Variants in MXI1 observed in about 807,000 individuals in gnomAD.
MXI1 encodes the protein MAX interactor 1, dimerization protein, also known as max-interacting protein 1.
In MXI1, 18 loss-of-function variants were observed where a neutral mutation model predicts 36.9. The observed-to-expected ratio is 0.49, with a 90% CI of 0.34 to 0.72. The LOEUF (loss-of-function observed/expected upper bound fraction) is 0.72, where lower values mean the gene tolerates loss of function less well. Ranked by LOEUF, MXI1 falls within the 30% of genes least tolerant of loss-of-function variation. The pLI, the probability that MXI1 is intolerant of heterozygous loss-of-function variation, is 0.01. For synonymous variants in MXI1, 160 were observed against 146.7 expected (o/e 1.09, Z -0.65); for missense variants, 304 against 379.1 (o/e 0.80, Z 1.64).
At chr10:110,256,126 C>G (rs1856283460) in intron 3 of MXI1, among the ~76,000 whole-genome samples, 1 of 152,076 alleles carries the variant, frequency 6.6e-6, no homozygotes, top group Non-Finnish European at 1.5e-5. Flanking sequence ...AGGTTGGATC[C>G]CTACCTCACA....
At chr10:110,226,106 C>A in intron 1 of MXI1, 1 of 1,179,246 alleles carries the variant, frequency 8.5e-7, no homozygotes, top group Non-Finnish European at 1.1e-6. Flanking sequence ...CCCGCCCGCC[C>A]GTCGCACATG....
intron 3 of MXI1, among the ~76,000 whole-genome samples, chr10:110,266,124 T>C (rs1221497591): frequency 6.6e-6 from 1 of 151,952 alleles, no homozygotes; most frequent in Non-Finnish European, 1.5e-5. Context: ...CTTTTTTTTT[T>C]TGAGACAGAG....
intron 1 of MXI1, among the ~76,000 whole-genome samples, chr10:110,220,610 G>A (rs1854779209): frequency 6.6e-6 from 1 of 152,200 alleles, no homozygotes. Context: ...CCAGCTCCTG[G>A]CAGGGGAGGG....
At chr10:110,282,832 A>C (rs1026528752) in intron 5 of MXI1, among the ~76,000 whole-genome samples, 37 of 152,100 alleles carry the variant, frequency 2.4e-4, no homozygotes, top group Admixed American at 2.4e-3. Flanking sequence ...GTTTTTAAAA[A>C]ATTTTTTTAA....
intron 1 of MXI1, chr10:110,227,613 A>C: frequency 1.1e-6 from 1 of 925,366 alleles, no homozygotes; most frequent in Non-Finnish European, 1.3e-6. Flanking sequence ...AGGCCGGGAG[A>C]ACACTGAGCG....
intron 2 of MXI1, among the ~76,000 whole-genome samples, chr10:110,237,719 C>G (rs761484446): frequency 6.6e-6 from 1 of 152,170 alleles, no homozygotes; most frequent in African/African-American, 2.4e-5. Flanking sequence ...TCAGAGGTTC[C>G]TACAGCCCCT....
rs1856907382 is a variant in MXI1, at chr10:110,273,062, T to TG, written c.438-6118_438-6117insG. On this transcript the variant is annotated intron_variant, in intron 3 of 5. Coordinates refer to ENST00000332674, the MANE Select transcript of MXI1 (RefSeq NM_130439.3). ...TTAGCTTTTTTTTTTTTTTTTTTTT[T>TG]TGTGAGATGGAGTCTCGCTCTGTCA... Among the ~76,000 whole-genome samples, 25 of 146,524 alleles carry TG rather than the reference T, an allele frequency of 1.7e-4. No individual in the cohort carries two copies. In the South Asian group the frequency reaches 6.0e-3, roughly 35 times the overall value.
intron 2 of MXI1, among the ~76,000 whole-genome samples, chr10:110,235,964 G>GCTA (rs534863342): frequency 2.7e-5 from 4 of 150,872 alleles, no homozygotes; most frequent in African/African-American, 4.9e-5. Context: ...TTGAGATCAT[G>GCTA]CTACTGCACT....
At chr10:110,222,197 A>G (rs1854831583) in intron 1 of MXI1, among the ~76,000 whole-genome samples, 1 of 152,188 alleles carries the variant, frequency 6.6e-6, no homozygotes, top group Admixed American at 6.5e-5. Flanking sequence ...TTCTCATTTA[A>G]GAGCTTAGAG....
chr10:110,245,314 C>G (rs1662139190), intron 3 of MXI1, among the ~76,000 whole-genome samples: 1 of 152,038 alleles, frequency 6.6e-6, no homozygotes, highest in Non-Finnish European at 1.5e-5. Context: ...GCCAGGCAGG[C>G]AGAATGCTTT....
chr10:110,216,411 T>C (rs1854636304), intron 1 of MXI1, among the ~76,000 whole-genome samples: 1 of 152,176 alleles, frequency 6.6e-6, no homozygotes, highest in African/African-American at 2.4e-5. Flanking sequence ...GGTAGAGTCC[T>C]TGCCCTCATG....
At chr10:110,273,348 T>C (rs1232110719) in intron 3 of MXI1, among the ~76,000 whole-genome samples, 2 of 152,132 alleles carry the variant, frequency 1.3e-5, no homozygotes, top group Non-Finnish European at 2.9e-5. Context: ...TGCCTGGCCT[T>C]TGTTTAGCTT....
chr10:110,232,695 A>C (rs1341714975), intron 2 of MXI1, among the ~76,000 whole-genome samples: 4 of 152,230 alleles, frequency 2.6e-5, no homozygotes, highest in Non-Finnish European at 4.4e-5. Flanking sequence ...AACTCCAAGC[A>C]GACTGTCTTA....
rs1340823536 is a variant in MXI1 at position 110,226,364 on chromosome 10, CG to C, written c.275-1824del. On this transcript the variant is annotated intron_variant, in intron 1 of 5. Transcript: ENST00000332674. ...GCGGTGCGGCCGGTAAGGGAGGGCA[CG>C]CGTGTGAGGTGCGCGCATGAGGTGA... The C allele has an allele frequency of 3.1e-5, 40 of 1,297,800 alleles. No homozygotes were observed. In the African/African-American group the frequency reaches 6.0e-4, roughly 20 times the overall value. The allele number at this position is 1,297,800 out of a possible 1,614,324, so 80.4% of individuals were successfully genotyped here. A position where few individuals can be genotyped will look rare whatever the true frequency, so the allele number is the denominator to read the frequency against.
At chr10:110,269,066 G>C (rs1450779157) in intron 3 of MXI1, among the ~76,000 whole-genome samples, 1 of 152,092 alleles carries the variant, frequency 6.6e-6, no homozygotes. Flanking sequence ...TGGGAAAATT[G>C]TTCTAAAATG....
intron 3 of MXI1, among the ~76,000 whole-genome samples, chr10:110,248,216 G>A: frequency 6.6e-6 from 1 of 152,060 alleles, no homozygotes; most frequent in South Asian, 2.1e-4. Context: ...AAGTGGGGAG[G>A]GATAGCATTA....
rs146163324 is a variant in MXI1 at position 110,286,702 on chromosome 10, T to C, written c.*1715T>C. On this transcript the variant is annotated 3_prime_UTR_variant, in exon 6 of 6. Coordinates refer to ENST00000332674, the MANE Select transcript of MXI1 (RefSeq NM_130439.3). ...ACACTTTAACAGCATTCACTGCTTCTATATATAGTGTACCATCTTGGTCAT... is the reference window on the plus strand; with the variant it reads ...ACACTTTAACAGCATTCACTGCTTCCATATATAGTGTACCATCTTGGTCAT... The C allele has an allele frequency of 1.1e-4, 17 of 152,724 alleles. No homozygotes were observed. Among genetic ancestry groups the C allele is most frequent in the Non-Finnish European group, 1.3e-4 (9 of 68,054 alleles). 9.5% of individuals were successfully genotyped at this position (152,724 alleles called of 1,614,324 possible).
At chr10:110,246,549 C>G (rs1855869986) in intron 3 of MXI1, among the ~76,000 whole-genome samples, 1 of 152,172 alleles carries the variant, frequency 6.6e-6, no homozygotes, top group Admixed American at 6.6e-5. Context: ...CTACTTTGCA[C>G]AGTGCTGTGT....
At position 110,280,036 on chromosome 10, in the gene MXI1, G is replaced by T; in HGVS notation, c.675G>T (p.Met225Ile). 1 of 1,603,662 alleles carries T rather than the reference G, an allele frequency of 6.2e-7. No individual in the cohort carries two copies. The highest frequency in any genetic ancestry group is 8.5e-7 in the Non-Finnish European group (1 of 1,173,514). ...CTCAGGAGATGGAACGAATACGAAT[G>T]GACAGCATTGGATCAACTATTTCTT... The part of the protein sequence containing the change: ...QGPQEMERIR[M>I]DSIGSTISSD... Residue 225 changes from methionine (M) to isoleucine (I), a missense_variant, in exon 5 of 6, where the codon ATG (methionine) becomes ATT (isoleucine). Physicochemically the swap from Met to Ile is conservative, Grantham distance 10. Around this residue, in one of 2 missense-constraint regions of MXI1, gnomAD observed 125 missense variants for 194.3 expected, o/e 0.64. Transcript: ENST00000332674.
Sources: allele counts gnomAD v4.1 joint callset (sites outside exome capture counted in the v4.1 genomes callset), GRCh38; gene constraint gnomAD v4.1.1; regional missense constraint gnomAD v4.1.1; transcripts MANE v1.5; gene names NCBI Gene and HGNC (gene_info 2026-07-23, HGNC 2026-07-21).